ZFPM2: variants seen among roughly 807,000 people sequenced by gnomAD.
ZFPM2 encodes zinc finger protein, FOG family member 2.
In ZFPM2, 20 loss-of-function variants were observed where a neutral mutation model predicts 98.6. That is an observed-to-expected ratio of 0.20 (90% CI 0.14 to 0.29). The LOEUF is 0.29. ZFPM2 is among the 10% of genes least tolerant of loss of function. ZFPM2 has a pLI of 1.00. For missense variants in ZFPM2, 1,310 were observed against 1,388.6 expected (o/e 0.94, Z 0.90); for synonymous variants, 518 against 502.7 (o/e 1.03, Z -0.41).
intron 1 of ZFPM2, among the ~76,000 whole-genome samples, chr8:105,417,900 A>T (rs1242861879): frequency 6.6e-6 from 1 of 152,138 alleles, no homozygotes; most frequent in Non-Finnish European, 1.5e-5. Flanking sequence ...ACATTTTTTT[A>T]AAGGACAAAG....
chr8:105,381,317 A>ATG (rs1183589490), intron 1 of ZFPM2, among the ~76,000 whole-genome samples: 1 of 151,882 alleles, frequency 6.6e-6, no homozygotes, highest in Non-Finnish European at 1.5e-5. Context: ...CATGGTGTAT[A>ATG]TGTGCCACAT....
chr8:105,454,860 T>C (rs2130270589), intron 3 of ZFPM2, among the ~76,000 whole-genome samples: 1 of 152,232 alleles, frequency 6.6e-6, no homozygotes, highest in East Asian at 1.9e-4. Context: ...GACCTCAGGG[T>C]GGTTTCTGAG....
intron 4 of ZFPM2, among the ~76,000 whole-genome samples, chr8:105,601,026 A>C (rs1195387194): frequency 3.3e-5 from 5 of 152,090 alleles, no homozygotes; most frequent in African/African-American, 1.2e-4. Flanking sequence ...CTAACAGTCT[A>C]ACAGAGTTCA....
chr8:105,561,574 A>C, intron 4 of ZFPM2, 93 bp downstream of exon 4: 1 of 995,450 alleles, frequency 1.0e-6, no homozygotes, highest in Non-Finnish European at 1.5e-6. Context: ...TTTCCAATGA[A>C]ATCACTAAAA....
At chr8:105,410,973 G>A (rs955134964) in intron 1 of ZFPM2, among the ~76,000 whole-genome samples, 1 of 151,832 alleles carries the variant, frequency 6.6e-6, no homozygotes, top group Non-Finnish European at 1.5e-5. Context: ...TTCTAGCAGG[G>A]TGAGAGTACA....
intron 5 of ZFPM2, among the ~76,000 whole-genome samples, chr8:105,653,953 T>C (rs1462680806): frequency 2.1e-5 from 3 of 146,128 alleles, no homozygotes; most frequent in Admixed American, 7.0e-5. Context: ...GCTGCTCTAC[T>C]CTACTTAATG....
At chr8:105,440,330 A>G (rs549714151) in intron 2 of ZFPM2, among the ~76,000 whole-genome samples, 5 of 151,700 alleles carry the variant, frequency 3.3e-5, no homozygotes, top group African/African-American at 1.2e-4. Context: ...TTTGTTTTTC[A>G]TATATGTTGT....
chr8:105,544,870 A>G (rs1814659076), intron 3 of ZFPM2, among the ~76,000 whole-genome samples: 1 of 152,164 alleles, frequency 6.6e-6, no homozygotes, highest in African/African-American at 2.4e-5. Context: ...TGTTCATGGA[A>G]CCATCTTTTT....
intron 1 of ZFPM2, among the ~76,000 whole-genome samples, chr8:105,351,383 T>TGTGTTTG (rs1341418183): frequency 6.7e-5 from 5 of 74,598 alleles, no homozygotes; most frequent in Admixed American, 4.6e-4. Context: ...GTGTGTGTGT[T>TGTGTTTG]TGTGTGTGTG....
At chr8:105,780,599 T>G (rs1309088144) in intron 5 of ZFPM2, 2 of 152,250 alleles carry the variant, frequency 1.3e-5, no homozygotes, top group Non-Finnish European at 2.9e-5. Context: ...AAAGCTAGTT[T>G]CGCCGGGCGC....
chr8:105,721,197 A>G (rs889190317), intron 5 of ZFPM2, among the ~76,000 whole-genome samples: 1 of 151,860 alleles, frequency 6.6e-6, no homozygotes, highest in Non-Finnish European at 1.5e-5. Context: ...AGCCCTACGT[A>G]TAGACAAATT....
intron 4 of ZFPM2, among the ~76,000 whole-genome samples, chr8:105,595,194 A>G (rs1255921012): frequency 1.3e-5 from 2 of 152,138 alleles, no homozygotes; most frequent in South Asian, 2.1e-4. Context: ...ATAAGCTTCA[A>G]CACATTTTGG....
chr8:105,482,365 A>G (rs920229533), intron 3 of ZFPM2, among the ~76,000 whole-genome samples: 2 of 152,132 alleles, frequency 1.3e-5, no homozygotes, highest in African/African-American at 2.4e-5. Flanking sequence ...TGAATGTAGC[A>G]TACAGGCAGA....
At chr8:105,565,031 C>T (rs1386414133) in intron 4 of ZFPM2, among the ~76,000 whole-genome samples, 1 of 152,084 alleles carries the variant, frequency 6.6e-6, no homozygotes, top group Non-Finnish European at 1.5e-5. Flanking sequence ...GCTTATTCGC[C>T]AACTGATGTA....
intron 5 of ZFPM2, among the ~76,000 whole-genome samples, chr8:105,666,997 A>G (rs976146203): frequency 3.3e-5 from 5 of 152,214 alleles, no homozygotes; most frequent in African/African-American, 1.2e-4. Flanking sequence ...AAACACTTGT[A>G]TATCTGCCTG....
chr8:105,326,919 G>A (rs1812125848), intron 1 of ZFPM2, among the ~76,000 whole-genome samples: 1 of 150,368 alleles, frequency 6.7e-6, no homozygotes, highest in African/African-American at 2.4e-5. Context: ...CCACACAAAA[G>A]CTATAACACC....
chr8:105,740,527 G>T (rs1812186606), intron 5 of ZFPM2, among the ~76,000 whole-genome samples: 1 of 143,476 alleles, frequency 7.0e-6, no homozygotes, highest in Non-Finnish European at 1.5e-5. Context: ...GTGTGTGTAT[G>T]CATATATATA....
Position 105,456,146 on chromosome 8 carries a change from G to GTTTT in ZFPM2, c.301+11771_301+11774dup, listed in dbSNP as rs200639878. On this transcript the variant is annotated intron_variant, in intron 3 of 7. Transcript: ENST00000407775. The stretch of plus-strand genomic sequence containing the variant: ...AGAAGATGGGGAAAACCAGGAAAAT[G>GTTTT]TTTTTTTTTGTTTGTTTGTTTGTTT... Among the ~76,000 whole-genome samples the GTTTT allele has an allele frequency of 3.5e-4, 33 of 93,320 alleles. 5 individuals carry two copies. The South Asian group carries it at 5.7e-3, about 16-fold the overall frequency. 61.2% of individuals were successfully genotyped at this position (93,320 alleles called of 152,430 possible).
At chr8:105,633,425 T>G (rs1179537309) in intron 4 of ZFPM2, among the ~76,000 whole-genome samples, 2 of 152,286 alleles carry the variant, frequency 1.3e-5, no homozygotes, top group African/African-American at 4.8e-5. Context: ...ACATACTTAT[T>G]TCCTCCCCAG....
Sources: allele counts gnomAD v4.1 joint callset (sites outside exome capture counted in the v4.1 genomes callset), GRCh38; gene constraint gnomAD v4.1.1; transcripts MANE v1.5; gene names NCBI Gene and HGNC (gene_info 2026-07-23, HGNC 2026-07-21).